The following HSD17B12 variants were observed in gnomAD, a reference collection of about 807,000 sequenced individuals.
The protein encoded by HSD17B12 is hydroxysteroid 17-beta dehydrogenase 12.
Under a neutral mutation model 39.3 loss-of-function variants are expected in HSD17B12, and 32 were observed. The ratio of observed to expected loss-of-function variants is 0.81; its 90% CI spans 0.61 to 1.09. HSD17B12 has a LOEUF of 1.09. Ranked by LOEUF, HSD17B12 falls within the 50% of genes least tolerant of loss-of-function variation. HSD17B12 has a pLI of 0.00. For synonymous variants in HSD17B12, 150 were observed against 146.7 expected (o/e 1.02, Z -0.16); for missense variants, 342 against 382.9 (o/e 0.89, Z 0.89).
chr11:43,782,062 T>G (rs1421205763), intron 3 of HSD17B12, among the ~76,000 whole-genome samples: 1 of 152,210 alleles, frequency 6.6e-6, no homozygotes, highest in East Asian at 1.9e-4. Flanking sequence ...CTGGGAATGC[T>G]TTAGGCAAAG....
At chr11:43,826,597 C>G (rs1302654233) in intron 6 of HSD17B12, among the ~76,000 whole-genome samples, 2 of 152,054 alleles carry the variant, frequency 1.3e-5, no homozygotes, top group African/African-American at 4.8e-5. Context: ...GGGAAAATGG[C>G]AAGGCAGGGC....
intron 1 of HSD17B12, among the ~76,000 whole-genome samples, chr11:43,685,382 G>T (rs542296087): frequency 1.6e-3 from 249 of 152,324 alleles, no homozygotes; most frequent in African/African-American, 5.8e-3. Flanking sequence ...AAGAATACTT[G>T]TGTAACTAGA....
At chr11:43,635,916 G>T in the HSD17B12 span, among the ~76,000 whole-genome samples, 1 of 152,160 alleles carries the variant, frequency 6.6e-6, no homozygotes, top group African/African-American at 2.4e-5. Flanking sequence ...TTTATGTATT[G>T]CCATGAGGAT....
rs557277904 is a variant in HSD17B12 at position 43,747,568 on chromosome 11, C to T, written c.161-3343C>T. ...CCATGCTCAGAGTGAGAGCTGCTCT[C>T]TTATCTGTAAACACTGTGTTCAAGG... On this transcript the variant is annotated intron_variant, in intron 1 of 10. Transcript: ENST00000278353. 9.8e-5 allele frequency among the ~76,000 whole-genome samples: 15 copies of T among 152,300 alleles called. 1 individual carries two copies. Among genetic ancestry groups the T allele is most frequent in the African/African-American group, 3.4e-4 (14 of 41,572 alleles).
chr11:43,769,593 T>A (rs1270396810), intron 3 of HSD17B12, among the ~76,000 whole-genome samples: 1 of 152,206 alleles, frequency 6.6e-6, no homozygotes, highest in Non-Finnish European at 1.5e-5. Context: ...ATGGTATTAA[T>A]CTAAAATCTC....
chr11:43,595,513 C>T, the HSD17B12 span, among the ~76,000 whole-genome samples: 35 of 152,182 alleles, frequency 2.3e-4, no homozygotes, highest in Admixed American at 9.2e-4. Flanking sequence ...ATCCTCTGGA[C>T]GACTAGTCAG....
chr11:43,821,752 C>T (rs1951185242), intron 6 of HSD17B12, among the ~76,000 whole-genome samples: 1 of 152,204 alleles, frequency 6.6e-6, no homozygotes, highest in Non-Finnish European at 1.5e-5. Context: ...CTGAGGTTCA[C>T]ATCAGTCCAA....
At chr11:43,715,287 G>C (rs904919620) in intron 1 of HSD17B12, among the ~76,000 whole-genome samples, 13 of 152,008 alleles carry the variant, frequency 8.6e-5, no homozygotes, top group Non-Finnish European at 1.5e-4. Context: ...TTATTATTTT[G>C]AGATACGTCC....
At chr11:43,762,484 T>C (rs1950563137) in intron 3 of HSD17B12, among the ~76,000 whole-genome samples, 1 of 152,214 alleles carries the variant, frequency 6.6e-6, no homozygotes, top group Non-Finnish European at 1.5e-5. Context: ...CTTTTGATGA[T>C]CTTCCTAAAG....
At chr11:43,841,618 G>A (rs1219918913) in intron 9 of HSD17B12, among the ~76,000 whole-genome samples, 4 of 152,298 alleles carry the variant, frequency 2.6e-5, no homozygotes, top group Admixed American at 2.0e-4. Flanking sequence ...ATGAGAGAAA[G>A]CAAATATAGG....
chr11:43,764,903 C>A (rs1228338265), intron 3 of HSD17B12, among the ~76,000 whole-genome samples: 1 of 152,132 alleles, frequency 6.6e-6, no homozygotes, highest in Non-Finnish European at 1.5e-5. Flanking sequence ...CATCTACATT[C>A]AGTGTCATTA....
intron 3 of HSD17B12, among the ~76,000 whole-genome samples, chr11:43,790,976 A>C (rs1950862699): frequency 6.6e-6 from 1 of 152,180 alleles, no homozygotes; most frequent in Admixed American, 6.5e-5. Context: ...CCTGGGCAAC[A>C]AAAGCGGAAC....
intron 3 of HSD17B12, among the ~76,000 whole-genome samples, chr11:43,778,411 G>C (rs1230934413): frequency 6.6e-6 from 1 of 152,198 alleles, no homozygotes; most frequent in East Asian, 1.9e-4. Context: ...GAGGTATAAG[G>C]AGGAACTGGT....
intron 9 of HSD17B12, among the ~76,000 whole-genome samples, chr11:43,851,279 T>C (rs1951528102): frequency 1.3e-5 from 2 of 152,150 alleles, no homozygotes; most frequent in African/African-American, 4.8e-5. Context: ...CTTGTTGAAA[T>C]TGAGCAACTT....
chr11:43,600,095 A>AT, the HSD17B12 span, among the ~76,000 whole-genome samples: 594 of 151,710 alleles, frequency 3.9e-3, 6 homozygotes, highest in East Asian at 0.03. Flanking sequence ...CCTCATTTTG[A>AT]TTTTTTACTG....
chr11:43,768,631 G>A (rs540135345), intron 3 of HSD17B12, among the ~76,000 whole-genome samples: 3 of 152,214 alleles, frequency 2.0e-5, no homozygotes, highest in Non-Finnish European at 4.4e-5. Flanking sequence ...CTGACTTCAA[G>A]ATTGAAGCCA....
At chr11:43,630,810 T>C in the HSD17B12 span, among the ~76,000 whole-genome samples, 1 of 151,532 alleles carries the variant, frequency 6.6e-6, no homozygotes, top group Non-Finnish European at 1.5e-5. Context: ...TCTTTCTTTT[T>C]TTTTTTTTTT....
intron 1 of HSD17B12, among the ~76,000 whole-genome samples, chr11:43,739,068 T>G (rs1250514873): frequency 6.6e-6 from 1 of 152,318 alleles, no homozygotes; most frequent in East Asian, 1.9e-4. Context: ...TAGATAAAAC[T>G]GGTGTCAGGT....
Position 43,708,581 on chromosome 11 carries a change from T to C in HSD17B12, c.160+27594T>C, listed in dbSNP as rs111506721. On this transcript the variant is annotated intron_variant, in intron 1 of 10. Coordinates refer to ENST00000278353, the MANE Select transcript of HSD17B12 (RefSeq NM_016142.3). ...ATTTTATCATTGCAAAAGAACTGAA[T>C]AGTTCAACACCACATTCTCATGGAG... is the stretch of plus-strand genomic sequence containing the variant. Among the ~76,000 whole-genome samples, 8 of 152,344 alleles carry C rather than the reference T, an allele frequency of 5.3e-5. 1 individual carries two copies. The highest frequency in any genetic ancestry group is 1.9e-4 in the African/African-American group (8 of 41,578).
Sources: gnomAD v4.1 joint callset for allele counts (sites outside exome capture counted in the v4.1 genomes callset) on GRCh38, gnomAD v4.1.1 for gene constraint, MANE v1.5 for transcripts, NCBI Gene and HGNC (gene_info 2026-07-23, HGNC 2026-07-21) for gene names.